Variants in WASHC2C observed in about 807,000 individuals in gnomAD.
WASHC2C encodes WASH complex subunit 2C.
Under a neutral mutation model 142.2 loss-of-function variants are expected in WASHC2C, and 73 were observed. That is an observed-to-expected ratio of 0.51 (90% CI 0.43 to 0.62). WASHC2C has a LOEUF of 0.62. WASHC2C is among the 20% of genes least tolerant of loss of function. WASHC2C has a pLI of 0.00. For missense variants in WASHC2C, 969 were observed against 1,531.7 expected, an observed-to-expected ratio of 0.63 and a Z score of 6.13; for synonymous variants, 337 against 565.5, an observed-to-expected ratio of 0.60 and a Z score of 5.73.
chr10:45,728,901 T>C lies in WASHC2C; in HGVS notation c.166T>C (p.Ser56Pro). The change falls in exon 3 of 31, where the codon TCT (serine) becomes CCT (proline). Residue 56 changes from serine to proline, a missense_variant. Ser to Pro is a moderately conservative substitution (Grantham distance 74). Transcript: ENST00000623400. ...FLQEFSQQTI[S>P]RTHEIKKQVD... ...ACAGGAATTCTCACAGCAAACTATCTCTAGGACCCATGAAATCAAGAAACA... is the reference window on the plus strand; with the variant it reads ...ACAGGAATTCTCACAGCAAACTATCCCTAGGACCCATGAAATCAAGAAACA... 6.2e-7 allele frequency: 1 copy of C among 1,613,906 alleles called. No homozygotes were observed. The highest frequency in any genetic ancestry group is 1.1e-5 in the South Asian group (1 of 91,072).
chr10:45,771,453 C>G (rs1554884660), intron 20 of WASHC2C: 1 of 984,770 alleles, frequency 1.0e-6, no homozygotes, highest in African/African-American at 1.8e-5. Flanking sequence ...CATGGCTCCA[C>G]CTTCATACCC....
At chr10:45,742,759 T>G (rs2052273798) in intron 5 of WASHC2C, among the ~76,000 whole-genome samples, 1 of 152,058 alleles carries the variant, frequency 6.6e-6, no homozygotes, top group African/African-American at 2.4e-5. Context: ...CCCTTTTCCC[T>G]GTTTGCTTGC....
intron 16 of WASHC2C, among the ~76,000 whole-genome samples, chr10:45,758,998 C>T (rs1295853195): frequency 3.3e-5 from 5 of 150,534 alleles, no homozygotes; most frequent in Non-Finnish European, 7.4e-5. Context: ...TCCTGCCGAC[C>T]ACCTAAGGCC....
At chr10:45,785,712 T>C in intron 26 of WASHC2C, 81 bp downstream of exon 26, 1 of 1,609,264 alleles carries the variant, frequency 6.2e-7, no homozygotes, top group Non-Finnish European at 8.5e-7. Flanking sequence ...CCCACAGTTA[T>C]TTAGACTTGT....
At chr10:45,773,892 C>CAAAAAAAA in intron 21 of WASHC2C, among the ~76,000 whole-genome samples, 1 of 31,094 alleles carries the variant, frequency 3.2e-5, no homozygotes, top group Non-Finnish European at 6.0e-5. Flanking sequence ...TACTGCAGGC[C>CAAAAAAAA]AAAAAAAAAA....
chr10:45,791,822 C>T (rs2135863531), intron 30 of WASHC2C, among the ~76,000 whole-genome samples: 1 of 146,132 alleles, frequency 6.8e-6, no homozygotes, highest in Non-Finnish European at 1.5e-5. Context: ...AGTCTTACAT[C>T]GAGATGCCTC....
At chr10:45,740,515 G>A (rs1554867271) in intron 5 of WASHC2C, among the ~76,000 whole-genome samples, 1 of 152,240 alleles carries the variant, frequency 6.6e-6, no homozygotes, top group East Asian at 1.9e-4. Context: ...TGGGAGAGAG[G>A]AGACATACAT....
chr10:45,754,943 G>C lies in WASHC2C; in HGVS notation c.1248G>C (p.Thr416=). ...AGAVSVFLGD[T]DVFGAASVPS... ...TTGTCCCTTCACTCACAGGAGACAC[G>C]GATGTGTTTGGTGCTGCCTCCGTTC... The change falls in exon 15 of 31, where the codon ACG becomes ACC. Residue 416 remains threonine (T), a synonymous_variant. Transcript: ENST00000623400. 1 of 1,611,970 alleles carries C rather than the reference G, an allele frequency of 6.2e-7. No individual in the cohort carries two copies. The highest frequency in any genetic ancestry group is 8.5e-7 in the Non-Finnish European group (1 of 1,179,854).
rs74128820 is a variant in WASHC2C, at chr10:45,786,856, G to T, written c.2875-179G>T. Reference sequence around the variant, plus strand: ...TAACATCTATTCTTTGAGCCCAGTGGTGGGCATAGGTGTAAGACGCTCTGT... The same window carrying T: ...TAACATCTATTCTTTGAGCCCAGTGTTGGGCATAGGTGTAAGACGCTCTGT... On this transcript the variant is annotated intron_variant, in intron 27 of 30. Coordinates refer to ENST00000623400, the MANE Select transcript of WASHC2C (RefSeq NM_001330074.2). 1.9e-3 allele frequency: 2,944 copies of T among 1,546,594 alleles called. 58 individuals carry two copies. In the African/African-American group the frequency reaches 0.035, roughly 18 times the overall value.
intron 3 of WASHC2C, among the ~76,000 whole-genome samples, chr10:45,734,086 G>A (rs1411328463): frequency 7.2e-5 from 11 of 152,122 alleles, no homozygotes; most frequent in East Asian, 3.9e-4. Flanking sequence ...TTAGCCAGGC[G>A]TGGTGGCAGG....
chr10:45,791,675 C>A (rs1350368531), intron 30 of WASHC2C, among the ~76,000 whole-genome samples: 2 of 145,850 alleles, frequency 1.4e-5, no homozygotes, highest in Non-Finnish European at 3.1e-5. Context: ...TTTGTGTACA[C>A]CTAACTTTAT....
At chr10:45,736,459 G>C (rs2051288136) in intron 3 of WASHC2C, among the ~76,000 whole-genome samples, 1 of 149,912 alleles carries the variant, frequency 6.7e-6, no homozygotes, top group Non-Finnish European at 1.5e-5. Context: ...AATTAGCCGG[G>C]TGTGGTGGTG....
intron 19 of WASHC2C, among the ~76,000 whole-genome samples, chr10:45,768,651 A>T (rs2056227427): frequency 1.3e-5 from 2 of 152,238 alleles, no homozygotes; most frequent in Admixed American, 1.3e-4. Context: ...GGCCACATTC[A>T]GACTTGTGGT....
chr10:45,772,796 TA>T (rs556773098), intron 20 of WASHC2C, among the ~76,000 whole-genome samples: 1 of 152,032 alleles, frequency 6.6e-6, no homozygotes, highest in Non-Finnish European at 1.5e-5. Flanking sequence ...ATAACGCTAC[TA>T]AAAAAAAGAA....
At position 45,765,731 on chromosome 10, in the gene WASHC2C, C is replaced by G. The variant is rs782338422; in HGVS notation, c.1790C>G (p.Ala597Gly). Residue 597 changes from alanine (A) to glycine (G), a missense_variant, in exon 19 of 31, where the codon GCT becomes GGT. Physicochemically the swap from Ala to Gly is moderately conservative, Grantham distance 60 (BLOSUM62 0). Coordinates refer to ENST00000623400, the MANE Select transcript of WASHC2C (RefSeq NM_001330074.2). The stretch of plus-strand genomic sequence containing the variant: ...AAGAAGCAGACATTGTCTCTACAAG[C>G]TCAGAGAGAAGAGAAAGCAAAAGCC... ...AAKKQTLSLQ[A>G]QREEKAKASE... The G allele has an allele frequency of 6.8e-6, 11 of 1,611,990 alleles. No individual in the cohort carries two copies. The highest frequency in any genetic ancestry group is 1.7e-6 in the Non-Finnish European group (2 of 1,179,858).
chr10:45,789,774 T>C (rs1170887366), intron 29 of WASHC2C, among the ~76,000 whole-genome samples: 1 of 152,260 alleles, frequency 6.6e-6, no homozygotes, highest in Non-Finnish European at 1.5e-5. Flanking sequence ...AATATTGTTG[T>C]AATCAGCTTC....
intron 19 of WASHC2C, among the ~76,000 whole-genome samples, 186 bp from the exon 20 acceptor site, chr10:45,769,263 T>G (rs1164794712): frequency 2.7e-5 from 4 of 150,888 alleles, no homozygotes; most frequent in Middle Eastern, 3.2e-3. Context: ...GACTACAGGC[T>G]CCCGCCACCA....
At position 45,769,387 on chromosome 10, in the gene WASHC2C, G is replaced by A. The variant is rs577569336; in HGVS notation, c.1870-62G>A. On this transcript the variant is annotated intron_variant, in intron 19 of 30. Coordinates refer to ENST00000623400, the MANE Select transcript of WASHC2C (RefSeq NM_001330074.2). The stretch of plus-strand genomic sequence containing the variant: ...CCCGCCTCGGCCTCCCAAAGTGCTG[G>A]GATTATAGGTATGAGCCACTGCGCC... 1.1e-4 allele frequency: 159 copies of A among 1,497,688 alleles called. 2 individuals are homozygous for A. The South Asian group carries it at 1.9e-3, about 18-fold the overall frequency. 92.8% of individuals were successfully genotyped at this position (1,497,688 alleles called of 1,614,324 possible).
chr10:45,784,252 G>GTATATATGTGTA (rs2057759347), intron 23 of WASHC2C, among the ~76,000 whole-genome samples: 2 of 40,736 alleles, frequency 4.9e-5, no homozygotes, highest in Admixed American at 7.1e-4. Context: ...GTGTGTGTGT[G>GTATATATGTGTA]TATATATATA....
Sources: allele counts gnomAD v4.1 joint callset (sites outside exome capture counted in the v4.1 genomes callset), GRCh38; gene constraint gnomAD v4.1.1; transcripts MANE v1.5; gene names NCBI Gene and HGNC (gene_info 2026-07-23, HGNC 2026-07-21).